NRXN3: variants seen among roughly 807,000 people sequenced by gnomAD.
The protein encoded by NRXN3 is neurexin III.
A neutral mutation model predicts 137.6 loss-of-function variants in NRXN3; 32 were observed. The ratio of observed to expected loss-of-function variants is 0.23; its 90% confidence interval spans 0.18 to 0.31. NRXN3 has a LOEUF of 0.31. Ranked by LOEUF, NRXN3 falls within the 10% of genes least tolerant of loss-of-function variation. NRXN3 has a pLI of 1.00. For synonymous variants in NRXN3, 798 were observed against 784.5 expected (o/e 1.02, Z -0.29); for missense variants, 1,574 against 2,062.5 (o/e 0.76, Z 4.59).
chr14:78,176,378 GTTT>G lies in NRXN3; in HGVS notation c.-704+5721_-704+5723del, dbSNP rs35762018. Among the ~76,000 whole-genome samples the G allele has an allele frequency of 3.2e-3, 453 of 140,026 alleles. 2 individuals are homozygous for G. The highest frequency in any genetic ancestry group is 9.2e-3 in the African/African-American group (347 of 37,850). The allele number at this position is 140,026 out of a possible 152,430, so 91.9% of individuals were successfully genotyped here. ...TACTATTTACAAAGTTCTCTTCCAA[GTTT>G]TTTTTTTTTTTTTTTTAACACTCGG... is the stretch of plus-strand genomic sequence containing the variant. On this transcript the variant is annotated intron_variant, in intron 1 of 20. Coordinates refer to ENST00000335750, the MANE Select transcript of NRXN3 (RefSeq NM_001330195.2).
chr14:78,365,638 T>G (rs1458057789), intron 4 of NRXN3, among the ~76,000 whole-genome samples: 3 of 152,172 alleles, frequency 2.0e-5, no homozygotes, highest in African/African-American at 7.2e-5. Flanking sequence ...TGGAGAACAA[T>G]TTGCCAGTCT....
chr14:78,987,972 T>G, intron 14 of NRXN3, 50 bp from the exon 15 acceptor site: 1 of 1,574,546 alleles, frequency 6.4e-7, no homozygotes, highest in South Asian at 1.2e-5. Context: ...TTTTAACATT[T>G]CTTCTCTCTC....
intron 15 of NRXN3, among the ~76,000 whole-genome samples, chr14:79,156,902 T>C (rs565371780): frequency 6.6e-6 from 1 of 151,870 alleles, no homozygotes; most frequent in Non-Finnish European, 1.5e-5. Flanking sequence ...GGCTGTCCTC[T>C]GCATGGTAGA....
chr14:78,655,009 A>G (rs962331381), intron 6 of NRXN3, among the ~76,000 whole-genome samples: 2 of 152,240 alleles, frequency 1.3e-5, no homozygotes, highest in Admixed American at 1.3e-4. Context: ...TAAAAGCCTC[A>G]GCAAGGCTAA....
At chr14:79,094,510 C>T (rs187204605) in intron 15 of NRXN3, among the ~76,000 whole-genome samples, 1 of 152,284 alleles carries the variant, frequency 6.6e-6, no homozygotes, top group Admixed American at 6.5e-5. Context: ...TCTAAAGTCC[C>T]TTGGTTCTGC....
intron 1 of NRXN3, among the ~76,000 whole-genome samples, chr14:78,231,773 C>T (rs528618343): frequency 1.8e-4 from 28 of 152,322 alleles, no homozygotes; most frequent in Non-Finnish European, 3.2e-4. Flanking sequence ...AATGACTTCA[C>T]GTGTACCATA....
chr14:79,052,826 C>T (rs1486724443), intron 15 of NRXN3, among the ~76,000 whole-genome samples: 1 of 152,146 alleles, frequency 6.6e-6, no homozygotes, highest in African/African-American at 2.4e-5. Context: ...GCAGTGTTTT[C>T]TGGGTTTCCT....
At chr14:79,220,083 G>A (rs74828179) in intron 15 of NRXN3, among the ~76,000 whole-genome samples, 4,132 of 152,182 alleles carry the variant, frequency 0.027, 135 homozygotes, top group South Asian at 0.085. Context: ...AAATATCTCT[G>A]CCTTTCACGT....
At chr14:78,209,088 C>G (rs1357234132) in intron 1 of NRXN3, among the ~76,000 whole-genome samples, 1 of 152,158 alleles carries the variant, frequency 6.6e-6, no homozygotes, top group Non-Finnish European at 1.5e-5. Context: ...TTTCTTGAAG[C>G]TTGTCTGAAG....
intron 4 of NRXN3, among the ~76,000 whole-genome samples, chr14:78,498,170 C>G (rs958392786): frequency 7.2e-5 from 11 of 152,150 alleles, no homozygotes; most frequent in Non-Finnish European, 2.9e-5. Flanking sequence ...ACTCCCTGCC[C>G]TTGAAAAGTG....
chr14:78,914,278 A>C (rs537646917), intron 10 of NRXN3, among the ~76,000 whole-genome samples: 4 of 152,254 alleles, frequency 2.6e-5, no homozygotes, highest in Admixed American at 2.0e-4. Context: ...TGTGCTAAGC[A>C]TTGTCCAAGG....
intron 1 of NRXN3, among the ~76,000 whole-genome samples, chr14:78,198,606 G>A (rs1000158663): frequency 6.6e-6 from 1 of 152,210 alleles, no homozygotes; most frequent in Non-Finnish European, 1.5e-5. Flanking sequence ...CAACTCCTCT[G>A]CTAATGACTT....
At chr14:79,361,996 A>AATT (rs3036671) in intron 15 of NRXN3, among the ~76,000 whole-genome samples, 52,413 of 141,820 alleles carry the variant, frequency 0.37, 10,316 homozygotes, top group Non-Finnish European at 0.45. Flanking sequence ...CTACTTTTAT[A>AATT]ATTATTATTA....
intron 15 of NRXN3, among the ~76,000 whole-genome samples, chr14:79,376,245 TATATATATATATATATATATAC>T (rs58804272): frequency 0.11 from 11,869 of 109,098 alleles, 824 homozygotes; most frequent in Middle Eastern, 0.14. Context: ...TATATATATA[TATATATATATATATATATATAC>T]ACATACATAT....
At chr14:79,691,665 C>G (rs2098717102) in intron 17 of NRXN3, among the ~76,000 whole-genome samples, 1 of 152,058 alleles carries the variant, frequency 6.6e-6, no homozygotes, top group South Asian at 2.1e-4. Flanking sequence ...CTCCTTTCCC[C>G]TGTCGGAACA....
intron 16 of NRXN3, among the ~76,000 whole-genome samples, chr14:79,480,977 T>G (rs1264920621): frequency 6.6e-6 from 1 of 152,222 alleles, no homozygotes; most frequent in East Asian, 1.9e-4. Flanking sequence ...CACTCTCAGG[T>G]ATTTCTTTAT....
chr14:79,274,734 A>G (rs1458865098), intron 15 of NRXN3, among the ~76,000 whole-genome samples: 4 of 152,236 alleles, frequency 2.6e-5, no homozygotes, highest in African/African-American at 9.6e-5. Context: ...AGTAATGTGT[A>G]TAAGTTTCAA....
Position 79,395,077 on chromosome 14 carries a change from A to T in NRXN3, c.3263-72144A>T, listed in dbSNP as rs141403633. Among the ~76,000 whole-genome samples the T allele has an allele frequency of 2.5e-4, 38 of 152,332 alleles. 1 individual carries two copies. The East Asian group carries it at 7.3e-3, about 29-fold the overall frequency. On this transcript the variant is annotated intron_variant, in intron 15 of 20. Coordinates refer to ENST00000335750, the MANE Select transcript of NRXN3 (RefSeq NM_001330195.2). ...TTGTCTTCACTATTGAGTACTCACAAAGGGAGCCAGTTAACAACATCTTTG... is the reference window on the plus strand; with the variant it reads ...TTGTCTTCACTATTGAGTACTCACATAGGGAGCCAGTTAACAACATCTTTG...
intron 4 of NRXN3, among the ~76,000 whole-genome samples, chr14:78,371,610 A>C (rs1049244357): frequency 6.6e-6 from 1 of 152,036 alleles, no homozygotes; most frequent in African/African-American, 2.4e-5. Context: ...GTTGTAACAC[A>C]CCCCTAGATT....
Sources: gnomAD v4.1 joint callset for allele counts (sites outside exome capture counted in the v4.1 genomes callset) on GRCh38, gnomAD v4.1.1 for gene constraint, MANE v1.5 for transcripts, NCBI Gene and HGNC (gene_info 2026-07-23, HGNC 2026-07-21) for gene names.